KATNIP: variants seen among roughly 807,000 people sequenced by gnomAD.
The protein encoded by KATNIP is katanin interacting protein.
Under a neutral mutation model 174.0 loss-of-function variants are expected in KATNIP, and 126 were observed. That is an observed-to-expected ratio of 0.72 (90% CI 0.63 to 0.84). The LOEUF is 0.84. Among genes scored for constraint, KATNIP ranks in the 40% least tolerant of loss-of-function variants. The pLI, the probability that KATNIP is intolerant of heterozygous loss-of-function variation, is 0.00. For synonymous variants in KATNIP, 810 were observed against 835.7 expected, an observed-to-expected ratio of 0.97 and a Z score of 0.53; for missense variants, 1,958 against 2,109.7, an observed-to-expected ratio of 0.93 and a Z score of 1.41.
intron 1 of KATNIP, among the ~76,000 whole-genome samples, chr16:27,551,611 G>T (rs1596680798): frequency 6.6e-6 from 1 of 152,172 alleles, no homozygotes; most frequent in African/African-American, 2.4e-5. Context: ...ATTGGGCCGG[G>T]CATGGACTCG....
intron 6 of KATNIP, among the ~76,000 whole-genome samples, chr16:27,649,435 C>T (rs1487126561): frequency 6.6e-6 from 1 of 152,222 alleles, no homozygotes; most frequent in Non-Finnish European, 1.5e-5. Context: ...AGGCTCTGTC[C>T]CAGGCACCAG....
intron 2 of KATNIP, among the ~76,000 whole-genome samples, chr16:27,582,926 A>G (rs373524877): frequency 1.5e-4 from 23 of 152,280 alleles, no homozygotes; most frequent in African/African-American, 3.6e-4. Flanking sequence ...TGAGAAAGAG[A>G]AGGACACAGA....
rs751809979 is a variant in KATNIP at position 27,749,886 on chromosome 16, C to T, written c.2926C>T (p.Arg976Cys). The T allele has an allele frequency of 1.1e-5, 17 of 1,614,072 alleles. No homozygotes were observed. Among genetic ancestry groups the T allele is most frequent in the South Asian group, 3.3e-5 (3 of 91,084 alleles). Residue 976 changes from arginine to cysteine, a missense_variant, in exon 16 of 28, where the codon CGC (arginine) becomes TGC (cysteine). This residue lies in a region of KATNIP where 1,557 missense variants were observed against 1,617.8 expected (regional missense o/e 0.96). Coordinates refer to ENST00000261588, the MANE Select transcript of KATNIP (RefSeq NM_015202.5). ...AATCCCCGTCTTGCCTTATGGACAG[C>T]GCTTGGTCATTGACATCAAGTCTAC... ...FKIPVLPYGQ[R>C]LVIDIKSTWG...
chr16:27,736,002 A>T (rs2080881928), intron 14 of KATNIP, among the ~76,000 whole-genome samples: 1 of 152,042 alleles, frequency 6.6e-6, no homozygotes, highest in African/African-American at 2.4e-5. Context: ...ATTCCAAAGT[A>T]ATTTATTTAT....
At chr16:27,572,791 G>A (rs972439593) in intron 1 of KATNIP, among the ~76,000 whole-genome samples, 1 of 152,220 alleles carries the variant, frequency 6.6e-6, no homozygotes, top group African/African-American at 2.4e-5. Flanking sequence ...CCCATACCAT[G>A]ATACTGTATG....
intron 2 of KATNIP, among the ~76,000 whole-genome samples, chr16:27,593,921 T>C (rs1411498500): frequency 1.3e-5 from 2 of 151,952 alleles, no homozygotes; most frequent in African/African-American, 4.8e-5. Context: ...ACTGTCCCAA[T>C]ATGGCATCCA....
At chr16:27,689,879 A>G (rs956676481) in intron 8 of KATNIP, among the ~76,000 whole-genome samples, 1 of 152,148 alleles carries the variant, frequency 6.6e-6, no homozygotes, top group Non-Finnish European at 1.5e-5. Flanking sequence ...AGGACAGCCC[A>G]TCTTGGCCCC....
rs145476546 is a variant in KATNIP, at chr16:27,591,961, G to C, written c.63+18005G>C. ...ATCCGTAACCTGAAGAAACTGATCT[G>C]AACCCAGATTCCGTCATCCAGTTTA... On this transcript the variant is annotated intron_variant, in intron 2 of 27. Coordinates refer to ENST00000261588, the MANE Select transcript of KATNIP (RefSeq NM_015202.5). Among the ~76,000 whole-genome samples the C allele has an allele frequency of 8.4e-4, 128 of 152,208 alleles. 2 individuals carry two copies. The highest frequency in any genetic ancestry group is 6.8e-3 in the Middle Eastern group (2 of 294).
At chr16:27,739,148 G>A (rs1245432909) in intron 14 of KATNIP, among the ~76,000 whole-genome samples, 1 of 152,194 alleles carries the variant, frequency 6.6e-6, no homozygotes. Context: ...CCTGGGCAAG[G>A]AAGGCAGCAG....
At chr16:27,766,721 G>A (rs1308537664) in intron 20 of KATNIP, among the ~76,000 whole-genome samples, 2 of 152,208 alleles carry the variant, frequency 1.3e-5, no homozygotes, top group African/African-American at 4.8e-5. Flanking sequence ...GGGGGTCCTA[G>A]GCAGGTCCAG....
In KATNIP at chr16:27,590,365, G is replaced by C. The variant is rs931944002; in HGVS notation, c.63+16409G>C. Among the ~76,000 whole-genome samples, 8 of 150,392 alleles carry C rather than the reference G, an allele frequency of 5.3e-5. No homozygotes were observed. The East Asian group carries it at 1.6e-3, about 29-fold the overall frequency. On this transcript the variant is annotated intron_variant, in intron 2 of 27. Coordinates refer to ENST00000261588, the MANE Select transcript of KATNIP (RefSeq NM_015202.5). ...CTTTTTTTTTTTATTTATAGAGAAG[G>C]TGTCTCACATGTTGCCCAGCTTGGT... is the stretch of plus-strand genomic sequence containing the variant.
At chr16:27,582,160 G>A (rs551054291) in intron 2 of KATNIP, among the ~76,000 whole-genome samples, 2 of 152,180 alleles carry the variant, frequency 1.3e-5, no homozygotes, top group East Asian at 1.9e-4. Flanking sequence ...CCACTAGCGC[G>A]CAAACTGCAG....
At chr16:27,721,221 G>A (rs951540191) in intron 13 of KATNIP, among the ~76,000 whole-genome samples, 2 of 152,120 alleles carry the variant, frequency 1.3e-5, no homozygotes, top group Admixed American at 6.5e-5. Flanking sequence ...TCTCTCTAGC[G>A]TCTTTCCCCT....
chr16:27,553,128 TA>T (rs1236018909), intron 1 of KATNIP, among the ~76,000 whole-genome samples: 8 of 152,252 alleles, frequency 5.3e-5, no homozygotes, highest in Non-Finnish European at 1.0e-4. Flanking sequence ...TATATGGTTT[TA>T]TAACATCAGC....
chr16:27,563,912 A>T (rs1173414935), intron 1 of KATNIP, among the ~76,000 whole-genome samples: 1 of 149,598 alleles, frequency 6.7e-6, no homozygotes, highest in Non-Finnish European at 1.5e-5. Context: ...AAAAAAAAAA[A>T]AAAAAGCTGG....
chr16:27,619,047 A>G (rs1226187896), intron 3 of KATNIP, among the ~76,000 whole-genome samples: 2 of 152,246 alleles, frequency 1.3e-5, no homozygotes, highest in Non-Finnish European at 2.9e-5. Context: ...CTGGTTTGAA[A>G]GAGGCATCAT....
At chr16:27,735,061 C>T (rs1762742741) in intron 14 of KATNIP, among the ~76,000 whole-genome samples, 1 of 152,222 alleles carries the variant, frequency 6.6e-6, no homozygotes, top group African/African-American at 2.4e-5. Flanking sequence ...ATCCTTGGGC[C>T]ACATCTGCCC....
intron 5 of KATNIP, 154 bp downstream of exon 5, chr16:27,631,316 A>C: frequency 3.4e-6 from 2 of 594,674 alleles, no homozygotes; most frequent in Non-Finnish European, 5.9e-6. Context: ...AGGTGGGAGG[A>C]TCACTTTGAG....
intron 22 of KATNIP, 50 bp downstream of exon 22, chr16:27,771,702 G>T (rs374476773): frequency 1.9e-6 from 3 of 1,581,720 alleles, no homozygotes; most frequent in Non-Finnish European, 2.6e-6. Flanking sequence ...CCGAGGCAGC[G>T]CCTGGGCCGC....
Sources: gnomAD v4.1 joint callset for allele counts (sites outside exome capture counted in the v4.1 genomes callset) on GRCh38, gnomAD v4.1.1 for gene constraint, gnomAD v4.1.1 regional missense constraint, MANE v1.5 for transcripts, NCBI Gene and HGNC (gene_info 2026-07-23, HGNC 2026-07-21) for gene names.